NEURL4: variants seen among roughly 807,000 people sequenced by gnomAD.
The protein encoded by NEURL4 is neuralized E3 ubiquitin protein ligase 4, also known as neuralized-like protein 4.
In NEURL4, 45 loss-of-function variants were observed where a neutral mutation model predicts 148.0. The observed-to-expected ratio is 0.30, with a 90% CI of 0.24 to 0.39. NEURL4 has a LOEUF of 0.39. Ranked by LOEUF, NEURL4 falls within the 10% of genes least tolerant of loss-of-function variation. The pLI is 1.00. For missense variants in NEURL4, 1,776 were observed against 2,144.0 expected (o/e 0.83, Z 3.39); for synonymous variants, 854 against 869.0 (o/e 0.98, Z 0.30).
At position 7,324,591 on chromosome 17, in the gene NEURL4, T is replaced by C. The variant is rs2073076797; in HGVS notation, c.1814-111A>G. The C allele has an allele frequency of 1.7e-6, 2 of 1,159,408 alleles. No homozygotes were observed. The highest frequency in any genetic ancestry group is 2.5e-6 in the Non-Finnish European group (2 of 792,036). The allele number at this position is 1,159,408 out of a possible 1,614,324, so 71.8% of individuals were successfully genotyped here. A position where few individuals can be genotyped will look rare whatever the true frequency, so the allele number is the denominator to read the frequency against. On this transcript the variant is annotated intron_variant, in intron 9 of 28. Coordinates refer to ENST00000399464, the MANE Select transcript of NEURL4 (RefSeq NM_032442.3). The surrounding 1 kb of genome is among the most constrained non-coding windows in gnomAD (Gnocchi z 5.9). ...CCCACAGTCCACCTTGCCTTTTCTTTGATGACTAGATTTCTTCCCTGAGCA... is the reference window on the plus strand; with the variant it reads ...CCCACAGTCCACCTTGCCTTTTCTTCGATGACTAGATTTCTTCCCTGAGCA...
chr17:7,324,404 G>A lies in NEURL4; in HGVS notation c.1890C>T (p.Asp630=), dbSNP rs1242446782. The change falls in exon 10 of 29, where the codon GAC becomes GAT. Residue 630 remains aspartate, a synonymous_variant. Transcript: ENST00000399464. The surrounding 1 kb of genome is among the most constrained non-coding windows in gnomAD (Gnocchi z 5.9). ...GCACCCACTTTCCCACCTTGAGGCG[G>A]TCCAGATTGTGCCCGTATTCATCCA... ...TILDEYGHNL[D]RLKAGDTVGV... 1.2e-6 allele frequency: 2 copies of A among 1,614,166 alleles called. No homozygotes were observed. Among genetic ancestry groups the A allele is most frequent in the South Asian group, 2.2e-5 (2 of 91,084 alleles).
rs202241869 is a variant in NEURL4 at position 7,322,731 on chromosome 17, G to C, written c.2725+4C>G. 54 of 1,610,290 alleles carry C rather than the reference G, an allele frequency of 3.4e-5. No homozygotes were observed. The highest frequency in any genetic ancestry group is 4.4e-5 in the Non-Finnish European group (52 of 1,179,706). Reference sequence around the variant, plus strand: ...CCCGTCCAGCCCCCGCCCTGCTGCCGCACCTGGGGAGTGCAGTGGGAAGGA... The same window carrying C: ...CCCGTCCAGCCCCCGCCCTGCTGCCCCACCTGGGGAGTGCAGTGGGAAGGA... On this transcript the variant is annotated splice_donor_region_variant and intron_variant, in intron 16 of 28. Transcript: ENST00000399464. This position sits in a 1 kb window ranked among gnomAD's most constrained non-coding sequence, Gnocchi z 5.5.
In NEURL4 at chr17:7,321,370, G is replaced by A; in HGVS notation, c.3189C>T (p.Gly1063=). The A allele has an allele frequency of 6.2e-7, 1 of 1,614,050 alleles. No homozygotes were observed. Among genetic ancestry groups the A allele is most frequent in the Non-Finnish European group, 8.5e-7 (1 of 1,179,992 alleles). Residue 1063 remains glycine (G), a synonymous_variant, in exon 19 of 29, where the codon GGC becomes GGT. Transcript: ENST00000399464. This position sits in a 1 kb window ranked among gnomAD's most constrained non-coding sequence, Gnocchi z 6.3. The part of the protein sequence containing the change: ...DGEDMGPAAT[G]IAKNVWAVLD... ...AAGCGTTCAGGTCTACCTTGGCAAT[G>A]CCAGTGGCTGCAGGCCCCATATCCT...
intron 21 of NEURL4, among the ~76,000 whole-genome samples, 154 bp from the exon 22 acceptor site, chr17:7,319,362 G>A (rs563276292): frequency 6.5e-5 from 8 of 122,676 alleles, no homozygotes; most frequent in South Asian, 2.6e-4. Flanking sequence ...TAATTTAGTT[G>A]TTTCTTTCCC....
Position 7,318,441 on chromosome 17 carries a change from C to T in NEURL4, c.3864+54G>A. On this transcript the variant is annotated intron_variant, in intron 23 of 28. Coordinates refer to ENST00000399464, the MANE Select transcript of NEURL4 (RefSeq NM_032442.3). The surrounding 1 kb of genome is among the most constrained non-coding windows in gnomAD (Gnocchi z 4.3). Reference sequence around the variant, plus strand: ...CCCTGGAACAGAGATTTCCCCTGTCCTGGACAGCGCAGACTCTCAGGCACC... The same window carrying T: ...CCCTGGAACAGAGATTTCCCCTGTCTTGGACAGCGCAGACTCTCAGGCACC... The T allele has an allele frequency of 1.2e-6, 2 of 1,608,520 alleles. No individual in the cohort carries two copies. Among genetic ancestry groups the T allele is most frequent in the Non-Finnish European group, 1.7e-6 (2 of 1,176,420 alleles).
At chr17:7,325,163 C>CCCCCCAA in intron 8 of NEURL4, 46 bp downstream of exon 8, 5 of 608,028 alleles carry the variant, frequency 8.2e-6, no homozygotes, top group South Asian at 1.7e-5. Context: ...CCCCCCCCCC[C>CCCCCCAA]ATTAGAATCC....
chr17:7,321,261 C>T lies in NEURL4; in HGVS notation c.3211G>A (p.Val1071Met). 6.2e-7 allele frequency: 1 copy of T among 1,613,794 alleles called. No individual in the cohort carries two copies. Among genetic ancestry groups the T allele is most frequent in the Non-Finnish European group, 8.5e-7 (1 of 1,179,836 alleles). Residue 1071 changes from valine to methionine, a missense_variant, in exon 20 of 29, where the codon GTG becomes ATG. Coordinates refer to ENST00000399464, the MANE Select transcript of NEURL4 (RefSeq NM_032442.3). The surrounding 1 kb of genome is among the most constrained non-coding windows in gnomAD (Gnocchi z 6.3). Reference protein sequence around the residue: ...ATGIAKNVWAVLDLYGPVRGV... With the variant: ...ATGIAKNVWAMLDLYGPVRGV... Reference sequence around the variant, plus strand: ...CGGACTGGCCCGTAGAGATCCAACACAGCCCACACGTTCTGGGAGGCACAC... The same window carrying T: ...CGGACTGGCCCGTAGAGATCCAACATAGCCCACACGTTCTGGGAGGCACAC...
At position 7,324,059 on chromosome 17, in the gene NEURL4, C is replaced by G. The variant is rs960656508; in HGVS notation, c.2063-47G>C. ...ATCAGGTCTCTAGGTGTCTCTCAGACCTCCCAAGGCCACCCTAACCCCCAG... is the reference window on the plus strand; with the variant it reads ...ATCAGGTCTCTAGGTGTCTCTCAGAGCTCCCAAGGCCACCCTAACCCCCAG... On this transcript the variant is annotated intron_variant, in intron 11 of 28. Transcript: ENST00000399464. The surrounding 1 kb of genome is among the most constrained non-coding windows in gnomAD (Gnocchi z 5.9). The G allele has an allele frequency of 6.8e-6, 11 of 1,609,106 alleles. No individual in the cohort carries two copies. The highest frequency in any genetic ancestry group is 9.3e-6 in the Non-Finnish European group (11 of 1,179,602).
In NEURL4 at chr17:7,323,003, G is replaced by A; in HGVS notation, c.2538C>T (p.Tyr846=). ...MMRTAKGDLH[Y]FINGQDQGAA... is the part of the protein sequence containing the mutation. ...CGCCTTGGTCCTGGCCGTTGATGAA[G>A]TAGTGCAGGTCGCCCTTGGCAGTTC... Residue 846 remains tyrosine (Y), a synonymous_variant, in exon 15 of 29, where the codon TAC becomes TAT. Transcript: ENST00000399464. 2 of 1,613,734 alleles carry A rather than the reference G, an allele frequency of 1.2e-6. No individual in the cohort carries two copies. Among genetic ancestry groups the A allele is most frequent in the African/African-American group, 1.3e-5 (1 of 75,036 alleles).
At position 7,326,226 on chromosome 17, in the gene NEURL4, C is replaced by T. The variant is rs59200234; in HGVS notation, c.1293+29G>A. 0.06 allele frequency: 95,614 copies of T among 1,602,756 alleles called. 3,746 individuals carry two copies. The highest frequency in any genetic ancestry group is 0.18 in the East Asian group (7,807 of 44,578). Reference sequence around the variant, plus strand: ...AGAGTACCTGTGGCTCTGCTGAAAGCGGCCCAGGGATCTGTGCCCCACCCT... The same window carrying T: ...AGAGTACCTGTGGCTCTGCTGAAAGTGGCCCAGGGATCTGTGCCCCACCCT... On this transcript the variant is annotated intron_variant, in intron 6 of 28. Coordinates refer to ENST00000399464, the MANE Select transcript of NEURL4 (RefSeq NM_032442.3). The surrounding 1 kb of genome is among the most constrained non-coding windows in gnomAD (Gnocchi z 6.0).
rs201108156 is a variant in NEURL4, at chr17:7,321,270, C to G, written c.3202G>C (p.Val1068Leu). 6.2e-7 allele frequency: 1 copy of G among 1,613,444 alleles called. No individual in the cohort carries two copies. Among genetic ancestry groups the G allele is most frequent in the Non-Finnish European group, 8.5e-7 (1 of 1,179,562 alleles). Residue 1068 changes from valine to leucine, a missense_variant, in exon 20 of 29, where the codon GTG (valine) becomes CTG (leucine). By Grantham distance (32) the Val-to-Leu change is conservative (BLOSUM62 1). Transcript: ENST00000399464. This position sits in a 1 kb window ranked among gnomAD's most constrained non-coding sequence, Gnocchi z 6.3. ...GPAATGIAKN[V>L]WAVLDLYGPV... is the part of the protein sequence containing the mutation. ...CCGTAGAGATCCAACACAGCCCACA[C>G]GTTCTGGGAGGCACACAAGACCCAG...
In NEURL4 at chr17:7,326,269, G is replaced by A; in HGVS notation, c.1279C>T (p.Leu427=). The change falls in exon 6 of 29, where the codon CTG becomes TTG. Residue 427 remains leucine, a synonymous_variant. Transcript: ENST00000399464. The surrounding 1 kb of genome is among the most constrained non-coding windows in gnomAD (Gnocchi z 6.0). The stretch of plus-strand genomic sequence containing the variant: ...CCCACCCTCACCTGCAACTCATCCA[G>A]ACTGAATTCGCAGTACTCCCGGCGG... ...GTRREYCEFS[L]DELQEGDHIG... 6.2e-7 allele frequency: 1 copy of A among 1,614,052 alleles called. No homozygotes were observed. Among genetic ancestry groups the A allele is most frequent in the Non-Finnish European group, 8.5e-7 (1 of 1,179,946 alleles).
Position 7,321,663 on chromosome 17 carries a change from G to A in NEURL4, c.2996C>T (p.Pro999Leu), listed in dbSNP as rs761503204. The A allele has an allele frequency of 1.9e-6, 3 of 1,613,790 alleles. No individual in the cohort carries two copies. The highest frequency in any genetic ancestry group is 2.5e-6 in the Non-Finnish European group (3 of 1,180,042). The change falls in exon 18 of 29, where the codon CCA becomes CTA. Residue 999 changes from proline to leucine, a missense_variant. Coordinates refer to ENST00000399464, the MANE Select transcript of NEURL4 (RefSeq NM_032442.3). The surrounding 1 kb of genome is among the most constrained non-coding windows in gnomAD (Gnocchi z 6.3). ...CCAAGTGGTCTTCGTCCGGAGCTCT[G>A]GCAGGGAAGGAGGCAGCCCTGGGCC... ...GGGPGLPPSL[P>L]ELRTKTTWMV...
intron 21 of NEURL4, among the ~76,000 whole-genome samples, chr17:7,319,930 A>C (rs1444649481): frequency 2.6e-5 from 4 of 151,526 alleles, no homozygotes; most frequent in African/African-American, 7.3e-5. Context: ...CCTGGGTTCA[A>C]GCCATTCTCC....
At position 7,316,161 on chromosome 17, in the gene NEURL4, C is replaced by T; in HGVS notation, c.4651G>A (p.Ala1551Thr). ...ELEWVTKEKG[A>T]TLLCALLVRV... ...ACCAGCAGGGCACAGAGGAGTGTGG[C>T]CCCCTTCTCCTTAGTGACCCACTCA... is the stretch of plus-strand genomic sequence containing the variant. Residue 1551 changes from alanine (A) to threonine (T), a missense_variant, in exon 29 of 29, where the codon GCC becomes ACC. Physicochemically the swap from Ala to Thr is moderately conservative, Grantham distance 58. Transcript: ENST00000399464. The T allele has an allele frequency of 2.5e-6, 4 of 1,588,412 alleles. No individual in the cohort carries two copies. The highest frequency in any genetic ancestry group is 3.5e-6 in the Non-Finnish European group (4 of 1,156,590).
Position 7,321,039 on chromosome 17 carries a change from GA to G in NEURL4, c.3360+72del. The G allele has an allele frequency of 6.3e-7, 1 of 1,593,786 alleles. No homozygotes were observed. On this transcript the variant is annotated intron_variant, in intron 20 of 28. Coordinates refer to ENST00000399464, the MANE Select transcript of NEURL4 (RefSeq NM_032442.3). This position sits in a 1 kb window ranked among gnomAD's most constrained non-coding sequence, Gnocchi z 6.3. ...CTCCACCCAACGATCAGAGAACCCA[GA>G]AAAGGCCTGGCATCCAACGGCCCAG...
Position 7,324,364 on chromosome 17 carries a change from C to T in NEURL4, c.1899+31G>A, listed in dbSNP as rs745552743. On this transcript the variant is annotated intron_variant, in intron 10 of 28. Transcript: ENST00000399464. The surrounding 1 kb of genome is among the most constrained non-coding windows in gnomAD (Gnocchi z 5.9). Reference sequence around the variant, plus strand: ...CCCGCGGTGTTTGTGATGCCCGCTGCGGCCGCCAGGCGGCGCACCCACTTT... The same window carrying T: ...CCCGCGGTGTTTGTGATGCCCGCTGTGGCCGCCAGGCGGCGCACCCACTTT... The T allele has an allele frequency of 1.1e-5, 17 of 1,613,756 alleles. No homozygotes were observed. The highest frequency in any genetic ancestry group is 3.3e-4 in the Middle Eastern group (2 of 6,062).
rs1268255059 is a variant in NEURL4, at chr17:7,323,023, C to T, written c.2518G>A (p.Ala840Thr). 1 of 1,613,602 alleles carries T rather than the reference C, an allele frequency of 6.2e-7. No homozygotes were observed. The highest frequency in any genetic ancestry group is 1.3e-5 in the African/African-American group (1 of 74,914). ...TGARIGMMRTAKGDLHYFING... is the reference protein window; with the variant it reads ...TGARIGMMRTTKGDLHYFING... ...ATGAAGTAGTGCAGGTCGCCCTTGG[C>T]AGTTCGCATCATGCCAATGCGTGCA... Residue 840 changes from alanine (A) to threonine (T), a missense_variant, in exon 15 of 29, where the codon GCC (alanine) becomes ACC (threonine). Ala to Thr is a moderately conservative substitution (Grantham distance 58). Coordinates refer to ENST00000399464, the MANE Select transcript of NEURL4 (RefSeq NM_032442.3).
Position 7,318,170 on chromosome 17 carries a change from T to C in NEURL4, c.3955A>G (p.Ile1319Val), listed in dbSNP as rs759830805. 4 of 1,613,812 alleles carry C rather than the reference T, an allele frequency of 2.5e-6. No individual in the cohort carries two copies. The highest frequency in any genetic ancestry group is 4.5e-5 in the East Asian group (2 of 44,890). Residue 1319 changes from isoleucine to valine, a missense_variant and splice_region_variant, in exon 25 of 29, where the codon ATC (isoleucine) becomes GTC (valine). Transcript: ENST00000399464. This position sits in a 1 kb window ranked among gnomAD's most constrained non-coding sequence, Gnocchi z 4.3. ...GGACCCCAGCACACACTCTCTTTGATACCTGAGGGAGCAGAGGGGCACAGG... is the reference window on the plus strand; with the variant it reads ...GGACCCCAGCACACACTCTCTTTGACACCTGAGGGAGCAGAGGGGCACAGG... ...DMEKADMVDG[I>V]KESVCWGPPP...
Sources: allele counts gnomAD v4.1 joint callset (sites outside exome capture counted in the v4.1 genomes callset), GRCh38; gene constraint gnomAD v4.1.1; non-coding constraint Gnocchi (gnomAD v3.1); transcripts MANE v1.5; gene names NCBI Gene and HGNC (gene_info 2026-07-23, HGNC 2026-07-21).